The following PROB1 variants were observed in gnomAD, a reference collection of about 807,000 sequenced individuals.
PROB1 encodes proline-rich basic protein 1.
For missense variants in PROB1, 1,453 were observed against 1,485.7 expected (o/e 0.98, Z 0.36); for synonymous variants, 660 against 699.3 (o/e 0.94, Z 0.89).
chr5:139,391,001 A>G lies in PROB1; in HGVS notation c.*1033T>C. The stretch of plus-strand genomic sequence containing the variant: ...CTCCCTCAGAGGCTCCTGGAATCTC[A>G]GGGCAACTGAAGTGCAGGCTCTGGG... On this transcript the variant is annotated 3_prime_UTR_variant, in exon 1 of 1. Coordinates refer to ENST00000434752, the MANE Select transcript of PROB1 (RefSeq NM_001161546.2). The surrounding 1 kb of genome is among the most constrained non-coding windows in gnomAD (Gnocchi z 4.8). 6.6e-6 allele frequency: 1 copy of G among 152,464 alleles called. No homozygotes were observed. The highest frequency in any genetic ancestry group is 1.5e-5 in the Non-Finnish European group (1 of 68,202). 9.4% of individuals were successfully genotyped at this position (152,464 alleles called of 1,614,324 possible). A position where few individuals can be genotyped will look rare whatever the true frequency, so the allele number is the denominator to read the frequency against.
At position 139,393,214 on chromosome 5, in the gene PROB1, C is replaced by G; in HGVS notation, c.1868G>C (p.Arg623Pro). The G allele has an allele frequency of 6.5e-7, 1 of 1,549,366 alleles. No homozygotes were observed. The change falls in exon 1 of 1, where the codon CGG becomes CCG. Residue 623 changes from arginine to proline, a missense_variant. Transcript: ENST00000434752. ...ASGRPRMAIP[R>P]PRDVRKLVKT... ...CACCAACTTGCGCACGTCTCGAGGC[C>G]GCGGAATGGCCATGCGCGGGCGTCC... is the stretch of plus-strand genomic sequence containing the variant.
chr5:139,392,297 C>T lies in PROB1; in HGVS notation c.2785G>A (p.Val929Ile). ...PPSSPGPPHR[V>I]YTPLALGLGL... ...AGCCCCAGGGCCAGAGGGGTGTAGA[C>T]GCGGTGGGGCGGCCCGGGAGACGAG... is the stretch of plus-strand genomic sequence containing the variant. The change falls in exon 1 of 1, where the codon GTC becomes ATC. Residue 929 changes from valine (V) to isoleucine (I), a missense_variant. Val to Ile is a conservative substitution (Grantham distance 29, BLOSUM62 3). Coordinates refer to ENST00000434752, the MANE Select transcript of PROB1 (RefSeq NM_001161546.2). The surrounding 1 kb of genome is among the most constrained non-coding windows in gnomAD (Gnocchi z 5.8). 6.8e-7 allele frequency: 1 copy of T among 1,464,324 alleles called. No homozygotes were observed. Among genetic ancestry groups the T allele is most frequent in the Non-Finnish European group, 9.1e-7 (1 of 1,102,340 alleles). 90.7% of individuals were successfully genotyped at this position (1,464,324 alleles called of 1,614,324 possible).
chr5:139,394,474 CG>C lies in PROB1; in HGVS notation c.607del (p.Arg203GlyfsTer57). 7.0e-7 allele frequency: 1 copy of C among 1,422,642 alleles called. No individual in the cohort carries two copies. 88.1% of individuals were successfully genotyped at this position (1,422,642 alleles called of 1,614,324 possible). ...LEEGAAPARP[R>X]TVPKRQIELR... The stretch of plus-strand genomic sequence containing the variant: ...CTCGATCTGACGCTTGGGCACTGTC[CG>C]GGGCCTGGCGGGCGCGGCGCCCTCC... On this transcript the variant is annotated frameshift_variant, in exon 1 of 1. Transcript: ENST00000434752. LOFTEE classifies it low-confidence loss of function (END_TRUNC).
rs1758659913 is a variant in PROB1, at chr5:139,394,507, G to A, written c.575C>T (p.Ala192Val). 7.0e-7 allele frequency: 1 copy of A among 1,433,980 alleles called. No individual in the cohort carries two copies. The highest frequency in any genetic ancestry group is 2.9e-5 in the Admixed American group (1 of 34,360). The allele number at this position is 1,433,980 out of a possible 1,614,324, so 88.8% of individuals were successfully genotyped here. The change falls in exon 1 of 1, where the codon GCT (alanine) becomes GTT (valine). Residue 192 changes from alanine to valine, a missense_variant. Ala to Val is a moderately conservative substitution (Grantham distance 64, BLOSUM62 0). Transcript: ENST00000434752. ...GGCGGGCGCGGCGCCCTCCTCCAGAGCCACCTCCACACACTCGAACTGCGC... is the reference window on the plus strand; with the variant it reads ...GGCGGGCGCGGCGCCCTCCTCCAGAACCACCTCCACACACTCGAACTGCGC... Reference protein sequence around the residue: ...APAQFECVEVALEEGAAPARP... With the variant: ...APAQFECVEVVLEEGAAPARP...
Position 139,392,276 on chromosome 5 carries a change from C to A in PROB1, c.2806G>T (p.Gly936Trp). 1.3e-6 allele frequency: 2 copies of A among 1,509,382 alleles called. No homozygotes were observed. Among genetic ancestry groups the A allele is most frequent in the Non-Finnish European group, 1.8e-6 (2 of 1,126,336 alleles). The allele number at this position is 1,509,382 out of a possible 1,614,324, so 93.5% of individuals were successfully genotyped here. A position where few individuals can be genotyped will look rare whatever the true frequency, so the allele number is the denominator to read the frequency against. Residue 936 changes from glycine (G) to tryptophan (W), a missense_variant, in exon 1 of 1, where the codon GGG becomes TGG. Gly to Trp is a radical substitution (Grantham distance 184, BLOSUM62 -2). Transcript: ENST00000434752. This position sits in a 1 kb window ranked among gnomAD's most constrained non-coding sequence, Gnocchi z 5.8. ...PHRVYTPLALGLGLYPPAYGP... is the reference protein window; with the variant it reads ...PHRVYTPLALWLGLYPPAYGP... The stretch of plus-strand genomic sequence containing the variant: ...TAGGCGGGCGGGTAGAGGCCGAGCC[C>A]CAGGGCCAGAGGGGTGTAGACGCGG...
chr5:139,394,768 G>C lies in PROB1; in HGVS notation c.314C>G (p.Thr105Arg). ...GACTTCCATCTCCCCCGACGGCAGC[G>C]TGCGCAGCTGGGGCTGGGGTGGCCG... ...GPRPPQPQLR[T>R]LPSGEMEVIF... Residue 105 changes from threonine (T) to arginine (R), a missense_variant, in exon 1 of 1, where the codon ACG becomes AGG. Transcript: ENST00000434752. 1 of 1,532,156 alleles carries C rather than the reference G, an allele frequency of 6.5e-7. No individual in the cohort carries two copies. Among genetic ancestry groups the C allele is most frequent in the South Asian group, 1.2e-5 (1 of 83,272 alleles). 94.9% of individuals were successfully genotyped at this position (1,532,156 alleles called of 1,614,324 possible).
rs1480993806 is a variant in PROB1 at position 139,394,840 on chromosome 5, C to A, written c.242G>T (p.Arg81Leu). The A allele has an allele frequency of 4.6e-6, 7 of 1,531,632 alleles. No individual in the cohort carries two copies. The African/African-American group carries it at 5.7e-5, about 12-fold the overall frequency. 94.9% of individuals were successfully genotyped at this position (1,531,632 alleles called of 1,614,324 possible). Residue 81 changes from arginine (R) to leucine (L), a missense_variant, in exon 1 of 1, where the codon CGG becomes CTG. Arg to Leu is a moderately radical substitution (Grantham distance 102, BLOSUM62 -2). Coordinates refer to ENST00000434752, the MANE Select transcript of PROB1 (RefSeq NM_001161546.2). Reference protein sequence around the residue: ...LSVSAQNSRQRHGPGSGFPRG... With the variant: ...LSVSAQNSRQLHGPGSGFPRG... ...CGGGAAACCCGAGCCGGGCCCGTGC[C>A]GCTGGCGGCTATTCTGGGCGCTGAC... is the stretch of plus-strand genomic sequence containing the variant.
chr5:139,392,668 T>G lies in PROB1; in HGVS notation c.2414A>C (p.Gln805Pro). 2 of 1,401,522 alleles carry G rather than the reference T, an allele frequency of 1.4e-6. No homozygotes were observed. Among genetic ancestry groups the G allele is most frequent in the Non-Finnish European group, 1.9e-6 (2 of 1,078,124 alleles). The allele number at this position is 1,401,522 out of a possible 1,614,324, so 86.8% of individuals were successfully genotyped here. ...CCCAGGGCTCGGGCTGGCTTGCATCTGAGGGGAGCCGGGGCGGGGCGATCG... is the reference window on the plus strand; with the variant it reads ...CCCAGGGCTCGGGCTGGCTTGCATCGGAGGGGAGCCGGGGCGGGGCGATCG... The part of the protein sequence containing the change: ...GVRSPRPGSP[Q>P]MQASPSPGIA... The change falls in exon 1 of 1, where the codon CAG becomes CCG. Residue 805 changes from glutamine (Q) to proline (P), a missense_variant. Physicochemically the swap from Gln to Pro is moderately conservative, Grantham distance 76. Coordinates refer to ENST00000434752, the MANE Select transcript of PROB1 (RefSeq NM_001161546.2). This position sits in a 1 kb window ranked among gnomAD's most constrained non-coding sequence, Gnocchi z 5.8.
In PROB1 at chr5:139,393,238, C is replaced by T. The variant is rs1408742213; in HGVS notation, c.1844G>A (p.Gly615Glu). The T allele has an allele frequency of 1.3e-6, 2 of 1,548,886 alleles. No homozygotes were observed. Among genetic ancestry groups the T allele is most frequent in the African/African-American group, 1.4e-5 (1 of 73,070 alleles). Reference sequence around the variant, plus strand: ...CCGCGGAATGGCCATGCGCGGGCGTCCCGAGGCCGCCTCTCCAGGACCCAA... The same window carrying T: ...CCGCGGAATGGCCATGCGCGGGCGTTCCGAGGCCGCCTCTCCAGGACCCAA... ...EVLGPGEAAS[G>E]RPRMAIPRPR... Residue 615 changes from glycine to glutamate, a missense_variant, in exon 1 of 1, where the codon GGA (glycine) becomes GAA (glutamate). Gly to Glu is a moderately conservative substitution (Grantham distance 98). Transcript: ENST00000434752.
Position 139,394,700 on chromosome 5 carries a change from C to T in PROB1, c.382G>A (p.Asp128Asn). ...GTGAACTGTTGTTGCGCCTCGCGAT[C>T]GTCTGCGCCGGAGCAGCCGAACAGG... ...GPLFGCSGAD[D>N]REAQQQFTEP... Residue 128 changes from aspartate (D) to asparagine (N), a missense_variant, in exon 1 of 1, where the codon GAT becomes AAT. Asp to Asn is a conservative substitution (Grantham distance 23). Coordinates refer to ENST00000434752, the MANE Select transcript of PROB1 (RefSeq NM_001161546.2). The T allele has an allele frequency of 2.0e-6, 3 of 1,533,638 alleles. No homozygotes were observed. The highest frequency in any genetic ancestry group is 2.6e-6 in the Non-Finnish European group (3 of 1,144,966).
In PROB1 at chr5:139,394,830, G is replaced by A; in HGVS notation, c.252C>T (p.Pro84=). Residue 84 remains proline (P), a synonymous_variant, in exon 1 of 1, where the codon CCC becomes CCT. Transcript: ENST00000434752. ...CTGGGCCTCGCGGGAAACCCGAGCC[G>A]GGCCCGTGCCGCTGGCGGCTATTCT... ...SAQNSRQRHG[P]GSGFPRGPGS... is the part of the protein sequence containing the mutation. 2.0e-6 allele frequency: 3 copies of A among 1,530,986 alleles called. No individual in the cohort carries two copies. Among genetic ancestry groups the A allele is most frequent in the South Asian group, 2.4e-5 (2 of 82,606 alleles). The allele number at this position is 1,530,986 out of a possible 1,614,324, so 94.8% of individuals were successfully genotyped here. A position where few individuals can be genotyped will look rare whatever the true frequency, so the allele number is the denominator to read the frequency against.
chr5:139,394,835 CGTGCCGCTGGCG>C lies in PROB1; in HGVS notation c.235_246del (p.Arg79_His82del). 6 of 1,531,344 alleles carry C rather than the reference CGTGCCGCTGGCG, an allele frequency of 3.9e-6. No homozygotes were observed. The highest frequency in any genetic ancestry group is 5.3e-6 in the Non-Finnish European group (6 of 1,139,036). The allele number at this position is 1,531,344 out of a possible 1,614,324, so 94.9% of individuals were successfully genotyped here. Reference sequence around the variant, plus strand: ...CCTCGCGGGAAACCCGAGCCGGGCCCGTGCCGCTGGCGGCTATTCTGGGCGCTGACGGACAGG... The same window carrying C: ...CCTCGCGGGAAACCCGAGCCGGGCCCGCTATTCTGGGCGCTGACGGACAGG... On this transcript the variant is annotated inframe_deletion, in exon 1 of 1. Transcript: ENST00000434752.
At position 139,393,834 on chromosome 5, in the gene PROB1, G is replaced by T. The variant is rs777074690; in HGVS notation, c.1248C>A (p.Ser416=). The T allele has an allele frequency of 1.3e-6, 2 of 1,551,248 alleles. No homozygotes were observed. The highest frequency in any genetic ancestry group is 2.4e-5 in the South Asian group (2 of 84,058). Reference sequence around the variant, plus strand: ...CCCTCCGAGTAGTCCGATCCCACGGGGACAGGTTCTGGGGCGACGGGCAGC... The same window carrying T: ...CCCTCCGAGTAGTCCGATCCCACGGTGACAGGTTCTGGGGCGACGGGCAGC... ...GPRCPSPQNL[S]PWDRTTRRVS... Residue 416 remains serine, a synonymous_variant, in exon 1 of 1, where the codon TCC becomes TCA. Coordinates refer to ENST00000434752, the MANE Select transcript of PROB1 (RefSeq NM_001161546.2).
Position 139,394,014 on chromosome 5 carries a change from A to C in PROB1, c.1068T>G (p.Thr356=), listed in dbSNP as rs1320887928. The C allele has an allele frequency of 2.6e-6, 4 of 1,550,550 alleles. No individual in the cohort carries two copies. The highest frequency in any genetic ancestry group is 3.5e-6 in the Non-Finnish European group (4 of 1,147,000). ...GATCCGGCGCCTCTCGCGGGAACCG[A>C]GTCTTCCGCGCCTCCTGGATCTTCT... ...SEEKIQEARK[T]RFPREAPDRT... Residue 356 remains threonine, a synonymous_variant, in exon 1 of 1, where the codon ACT becomes ACG. Coordinates refer to ENST00000434752, the MANE Select transcript of PROB1 (RefSeq NM_001161546.2).
At position 139,394,800 on chromosome 5, in the gene PROB1, G is replaced by A. The variant is rs1048587905; in HGVS notation, c.282C>T (p.Ser94=). 9.2e-6 allele frequency: 14 copies of A among 1,528,502 alleles called. No individual in the cohort carries two copies. In the African/African-American group the frequency reaches 1.6e-4, roughly 17 times the overall value. 94.7% of individuals were successfully genotyped at this position (1,528,502 alleles called of 1,614,324 possible). A position where few individuals can be genotyped will look rare whatever the true frequency, so the allele number is the denominator to read the frequency against. The change falls in exon 1 of 1, where the codon TCC becomes TCT. Residue 94 remains serine (S), a synonymous_variant. Transcript: ENST00000434752. Reference sequence around the variant, plus strand: ...GCTGGGGCTGGGGTGGCCGTGGGCCGGAACCTGGGCCTCGCGGGAAACCCG... The same window carrying A: ...GCTGGGGCTGGGGTGGCCGTGGGCCAGAACCTGGGCCTCGCGGGAAACCCG... The part of the protein sequence containing the change: ...PGSGFPRGPG[S]GPRPPQPQLR...
Position 139,393,658 on chromosome 5 carries a change from G to T in PROB1, c.1424C>A (p.Ala475Asp). 1 of 1,550,762 alleles carries T rather than the reference G, an allele frequency of 6.4e-7. No individual in the cohort carries two copies. The highest frequency in any genetic ancestry group is 8.7e-7 in the Non-Finnish European group (1 of 1,146,888). ...VAGERSPSLE[A>D]PSLWEIPHSA... ...ATGTGGAATCTCCCACAGGGAAGGG[G>T]CTTCGAGGGACGGGCTCCTTTCCCC... Residue 475 changes from alanine (A) to aspartate (D), a missense_variant, in exon 1 of 1, where the codon GCC becomes GAC. Coordinates refer to ENST00000434752, the MANE Select transcript of PROB1 (RefSeq NM_001161546.2).
At position 139,394,059 on chromosome 5, in the gene PROB1, G is replaced by T. The variant is rs1414773725; in HGVS notation, c.1023C>A (p.Ser341Arg). ...TCTTCTCCTCTGACTGAAGGAAGATGCTGGAACTAACAGGACCCAGCGGCT... is the reference window on the plus strand; with the variant it reads ...TCTTCTCCTCTGACTGAAGGAAGATTCTGGAACTAACAGGACCCAGCGGCT... ...GTEPLGPVSS[S>R]IFLQSEEKIQ... is the part of the protein sequence containing the mutation. Residue 341 changes from serine to arginine, a missense_variant, in exon 1 of 1, where the codon AGC (serine) becomes AGA (arginine). Ser to Arg is a moderately radical substitution (Grantham distance 110). Transcript: ENST00000434752. The T allele has an allele frequency of 2.6e-6, 4 of 1,550,802 alleles. No individual in the cohort carries two copies. Among genetic ancestry groups the T allele is most frequent in the Non-Finnish European group, 2.6e-6 (3 of 1,147,002 alleles).
In PROB1 at chr5:139,393,102, G is replaced by C. The variant is rs1036866614; in HGVS notation, c.1980C>G (p.Gly660=). The change falls in exon 1 of 1, where the codon GGC becomes GGG. Residue 660 remains glycine, a synonymous_variant. Transcript: ENST00000434752. ...APPADPCGEE[G]GESKTQEPPA... ...GCGGCTCTTGCGTCTTGGATTCGCCGCCCTCCTCCCCGCAGGGGTCGGCAG... is the reference window on the plus strand; with the variant it reads ...GCGGCTCTTGCGTCTTGGATTCGCCCCCCTCCTCCCCGCAGGGGTCGGCAG... 12 of 1,522,550 alleles carry C rather than the reference G, an allele frequency of 7.9e-6. No individual in the cohort carries two copies. In the African/African-American group the frequency reaches 1.4e-4, roughly 18 times the overall value. 94.3% of individuals were successfully genotyped at this position (1,522,550 alleles called of 1,614,324 possible).
rs1360341067 is a variant in PROB1, at chr5:139,395,000, A to G, written c.82T>C (p.Ser28Pro). The G allele has an allele frequency of 1.3e-6, 2 of 1,490,992 alleles. No homozygotes were observed. Among genetic ancestry groups the G allele is most frequent in the Non-Finnish European group, 8.9e-7 (1 of 1,122,666 alleles). The allele number at this position is 1,490,992 out of a possible 1,614,324, so 92.4% of individuals were successfully genotyped here. ...PTAPARRQDSSGSSGSYYTAP... is the reference protein window; with the variant it reads ...PTAPARRQDSPGSSGSYYTAP... ...GTGTAGTAGGAGCCTGACGAACCGG[A>G]GGAGTCCTGGCGCCGCGCGGGGGCC... is the stretch of plus-strand genomic sequence containing the variant. Residue 28 changes from serine (S) to proline (P), a missense_variant, in exon 1 of 1, where the codon TCC (serine) becomes CCC (proline). Physicochemically the swap from Ser to Pro is moderately conservative, Grantham distance 74. Transcript: ENST00000434752.
Sources: gnomAD v4.1 joint callset for allele counts on GRCh38, gnomAD v4.1.1 for gene constraint, Gnocchi (gnomAD v3.1) non-coding constraint, MANE v1.5 for transcripts, NCBI Gene and HGNC (gene_info 2026-07-23, HGNC 2026-07-21) for gene names.